Variants in NRXN1 observed in about 807,000 individuals in gnomAD.
NRXN1 encodes neurexin 1, also known as neurexin-1.
Under a neutral mutation model 150.9 loss-of-function variants are expected in NRXN1, and 39 were observed. The observed-to-expected ratio is 0.26, with a 90% confidence interval of 0.20 to 0.34. NRXN1 has a LOEUF of 0.34. Ranked by LOEUF, NRXN1 falls within the 10% of genes least tolerant of loss-of-function variation. The pLI, the probability that NRXN1 is intolerant of heterozygous loss-of-function variation, is 1.00. For synonymous variants in NRXN1, 924 were observed against 757.0 expected (o/e 1.22, Z -3.62); for missense variants, 1,815 against 1,949.9 (o/e 0.93, Z 1.30).
At chr2:50,154,004 A>G (rs2152776152) in intron 18 of NRXN1, among the ~76,000 whole-genome samples, 1 of 151,906 alleles carries the variant, frequency 6.6e-6, no homozygotes, top group East Asian at 1.9e-4. Context: ...AAACTGACTA[A>G]AATTAACCAT....
chr2:50,157,351 G>A (rs147791802), intron 18 of NRXN1, among the ~76,000 whole-genome samples: 1 of 152,086 alleles, frequency 6.6e-6, no homozygotes, highest in East Asian at 1.9e-4. Context: ...AGTTATATAT[G>A]TAAAGACAGA....
intron 5 of NRXN1, among the ~76,000 whole-genome samples, chr2:50,744,937 A>C (rs1220029692): frequency 1.3e-5 from 2 of 152,106 alleles, no homozygotes; most frequent in East Asian, 3.9e-4. Flanking sequence ...ATTTTCTGAC[A>C]ATCTCTTGGT....
intron 5 of NRXN1, among the ~76,000 whole-genome samples, chr2:50,743,452 G>C (rs1238260325): frequency 6.6e-6 from 1 of 152,122 alleles, no homozygotes; most frequent in Non-Finnish European, 1.5e-5. Flanking sequence ...GTTTATGTTA[G>C]CTGGGAAATG....
intron 17 of NRXN1, among the ~76,000 whole-genome samples, chr2:50,311,421 G>A (rs2152964028): frequency 6.6e-6 from 1 of 152,180 alleles, no homozygotes; most frequent in Non-Finnish European, 1.5e-5. Flanking sequence ...GTGTATTTAT[G>A]GAGTACAAGT....
chr2:50,524,197 G>C (rs1322535045), intron 12 of NRXN1, among the ~76,000 whole-genome samples: 1 of 152,184 alleles, frequency 6.6e-6, no homozygotes, highest in Non-Finnish European at 1.5e-5. Context: ...GTGTCCCTGA[G>C]GACGGGTGTG....
At chr2:50,606,514 T>A (rs1475187903) in intron 8 of NRXN1, among the ~76,000 whole-genome samples, 1 of 151,488 alleles carries the variant, frequency 6.6e-6, no homozygotes. Context: ...ATTCTAGAGA[T>A]CTGCTGTATA....
At chr2:50,153,386 T>G (rs1455907402) in intron 18 of NRXN1, among the ~76,000 whole-genome samples, 1 of 151,396 alleles carries the variant, frequency 6.6e-6, no homozygotes, top group African/African-American at 2.4e-5. Context: ...CCCAATTCTT[T>G]ATATGTAATT....
chr2:50,506,675 C>T (rs1420961650), intron 12 of NRXN1, 58 bp from the exon 13 acceptor site: 5 of 1,583,818 alleles, frequency 3.2e-6, no homozygotes, highest in Non-Finnish European at 4.3e-6. Context: ...GCAAATGAAC[C>T]TCACAGAGAG....
At chr2:50,629,186 C>T (rs928216683) in intron 5 of NRXN1, among the ~76,000 whole-genome samples, 2 of 151,666 alleles carry the variant, frequency 1.3e-5, no homozygotes, top group African/African-American at 4.8e-5. Flanking sequence ...CAGTGTTACC[C>T]TGCATAAATT....
chr2:50,119,802 A>G (rs1703613925), intron 18 of NRXN1, among the ~76,000 whole-genome samples: 1 of 152,082 alleles, frequency 6.6e-6, no homozygotes, highest in Non-Finnish European at 1.5e-5. Flanking sequence ...ATTCTCCTAT[A>G]TTTACTCCAG....
At position 50,372,292 on chromosome 2, in the gene NRXN1, C is replaced by T. The variant is rs191010984; in HGVS notation, c.3364+93150G>A. The stretch of plus-strand genomic sequence containing the variant: ...ACTATCTCCTTCTGGTGGATGTGTT[C>T]TCTCTTTTTGCTGGGGAAATCATGG... On this transcript the variant is annotated intron_variant, in intron 17 of 22. Transcript: ENST00000401669. 1.2e-3 allele frequency among the ~76,000 whole-genome samples: 180 copies of T among 152,188 alleles called. 1 individual carries two copies. Among genetic ancestry groups the T allele is most frequent in the Non-Finnish European group, 8.1e-4 (55 of 67,974 alleles).
intron 17 of NRXN1, among the ~76,000 whole-genome samples, chr2:50,393,611 T>A (rs188934862): frequency 6.6e-6 from 1 of 152,260 alleles, no homozygotes; most frequent in Admixed American, 6.6e-5. Context: ...ATATTGTTCC[T>A]CACTTTTATC....
At position 50,868,023 on chromosome 2, in the gene NRXN1, G is replaced by T. The variant is rs550623986; in HGVS notation, c.832+53846C>A. 6.6e-5 allele frequency among the ~76,000 whole-genome samples: 10 copies of T among 150,770 alleles called. No homozygotes were observed. In the East Asian group the frequency reaches 1.6e-3, roughly 24 times the overall value. The stretch of plus-strand genomic sequence containing the variant: ...ATTCATTACTATTTCTTTTAATAAG[G>T]TAACTTAATTGCATTTTCCCCAAAC... On this transcript the variant is annotated intron_variant, in intron 5 of 22. Coordinates refer to ENST00000401669, the MANE Select transcript of NRXN1 (RefSeq NM_001330078.2).
chr2:50,257,523 G>A (rs2067819967), intron 17 of NRXN1, among the ~76,000 whole-genome samples: 1 of 151,940 alleles, frequency 6.6e-6, no homozygotes, highest in Non-Finnish European at 1.5e-5. Context: ...GCTTGAAAAT[G>A]TCTTTCTCAA....
intron 5 of NRXN1, among the ~76,000 whole-genome samples, chr2:50,737,914 T>G (rs1031247820): frequency 3.9e-5 from 6 of 152,030 alleles, no homozygotes; most frequent in Non-Finnish European, 7.4e-5. Flanking sequence ...TTTTAATCAC[T>G]GGCACAAAAA....
intron 17 of NRXN1, among the ~76,000 whole-genome samples, chr2:50,381,664 A>G (rs1218443011): frequency 1.3e-5 from 2 of 151,990 alleles, no homozygotes; most frequent in African/African-American, 4.8e-5. Context: ...TCCAGATACT[A>G]TTAGGTTGGT....
chr2:50,680,046 T>C lies in NRXN1; in HGVS notation c.833-56431A>G, dbSNP rs148372188. On this transcript the variant is annotated intron_variant, in intron 5 of 22. Transcript: ENST00000401669. ...TGGTGGGGGTTGGGGTGGGGGGATG[T>C]GCTAAGGTGGGAGGATTGTTTGAGC... Among the ~76,000 whole-genome samples, 917 of 151,732 alleles carry C rather than the reference T, an allele frequency of 6.0e-3. 10 individuals carry two copies. The highest frequency in any genetic ancestry group is 0.02 in the African/African-American group (846 of 41,398).
At chr2:50,360,484 C>A (rs913073605) in intron 17 of NRXN1, among the ~76,000 whole-genome samples, 1 of 152,028 alleles carries the variant, frequency 6.6e-6, no homozygotes, top group African/African-American at 2.4e-5. Context: ...AGACTTTACA[C>A]CAACACCAAC....
chr2:51,028,363 A>G lies in NRXN1; in HGVS notation c.-90T>C, dbSNP rs1670961939. On this transcript the variant is annotated 5_prime_UTR_variant, in exon 2 of 23. Coordinates refer to ENST00000401669, the MANE Select transcript of NRXN1 (RefSeq NM_001330078.2). Reference sequence around the variant, plus strand: ...GTGACGAAGAAATAAGGGTCCCGAGAGACAGAAAGGTAAGGGGAAAGGCGG... The same window carrying G: ...GTGACGAAGAAATAAGGGTCCCGAGGGACAGAAAGGTAAGGGGAAAGGCGG... The G allele has an allele frequency of 1.2e-6, 1 of 865,326 alleles. No individual in the cohort carries two copies. Among genetic ancestry groups the G allele is most frequent in the Non-Finnish European group, 1.6e-6 (1 of 607,976 alleles). The allele number at this position is 865,326 out of a possible 1,614,324, so 53.6% of individuals were successfully genotyped here. A position where few individuals can be genotyped will look rare whatever the true frequency, so the allele number is the denominator to read the frequency against.
Sources: gnomAD v4.1 joint callset for allele counts (sites outside exome capture counted in the v4.1 genomes callset) on GRCh38, gnomAD v4.1.1 for gene constraint, MANE v1.5 for transcripts, NCBI Gene and HGNC (gene_info 2026-07-23, HGNC 2026-07-21) for gene names.